BCR: variants seen among roughly 807,000 people sequenced by gnomAD.
BCR encodes BCR activator of RhoGEF and GTPase.
A neutral mutation model predicts 138.6 loss-of-function variants in BCR; 58 were observed. That is an observed-to-expected ratio of 0.42 (90% CI 0.34 to 0.52). BCR has a LOEUF of 0.52. BCR is among the 20% of genes least tolerant of loss of function. BCR has a pLI of 0.06. For synonymous variants in BCR, 786 were observed against 730.1 expected, an observed-to-expected ratio of 1.08 and a Z score of -1.23; for missense variants, 1,599 against 1,727.2, an observed-to-expected ratio of 0.93 and a Z score of 1.32.
At chr22:23,263,670 T>G in intron 4 of BCR, 1 of 1,437,992 alleles carries the variant, frequency 7.0e-7, no homozygotes, top group Non-Finnish European at 9.8e-7. Flanking sequence ...ATGGGAAGAT[T>G]GGCCTTGGTA....
chr22:23,314,721 G>A lies in BCR; in HGVS notation c.3726+7G>A, dbSNP rs1172263694. 6.2e-7 allele frequency: 1 copy of A among 1,611,802 alleles called. No individual in the cohort carries two copies. The highest frequency in any genetic ancestry group is 8.5e-7 in the Non-Finnish European group (1 of 1,179,838). ...CTTGGAGGTCATGTCCCAGGTATGGGAAGACAGGCTCCAGCCCATGCAACC... is the reference window on the plus strand; with the variant it reads ...CTTGGAGGTCATGTCCCAGGTATGGAAAGACAGGCTCCAGCCCATGCAACC... On this transcript the variant is annotated splice_region_variant and intron_variant, in intron 22 of 22. Transcript: ENST00000305877.
rs561982229 is a variant in BCR at position 23,225,262 on chromosome 22, G to C, written c.1280-28537G>C. Among the ~76,000 whole-genome samples, 7 of 151,932 alleles carry C rather than the reference G, an allele frequency of 4.6e-5. No individual in the cohort carries two copies. The South Asian group carries it at 1.5e-3, about 32-fold the overall frequency. On this transcript the variant is annotated intron_variant, in intron 1 of 22. Coordinates refer to ENST00000305877, the MANE Select transcript of BCR (RefSeq NM_004327.4). ...GAGGACACCTGACCCTAAGGCGCAT[G>C]GACCAGAGACATCATCTGAACCCAG... is the stretch of plus-strand genomic sequence containing the variant.
At chr22:23,305,380 T>G (rs1362084811) in intron 16 of BCR, among the ~76,000 whole-genome samples, 1 of 152,216 alleles carries the variant, frequency 6.6e-6, no homozygotes, top group East Asian at 1.9e-4. Flanking sequence ...AACAAGCATT[T>G]CCTCCTTTGG....
rs573764419 is a variant in BCR at position 23,180,517 on chromosome 22, C to G, written c.-444C>G. ...CCTCCCCTTCCTGCGGCGCAGAGTG[C>G]GGGCCGGGCGGGAGTGCGGCGAGAG... is the stretch of plus-strand genomic sequence containing the variant. On this transcript the variant is annotated 5_prime_UTR_variant, in exon 1 of 23. Transcript: ENST00000305877. The G allele has an allele frequency of 8.0e-3, 1,405 of 175,388 alleles. 9 individuals carry two copies. Among genetic ancestry groups the G allele is most frequent in the Non-Finnish European group, 0.012 (985 of 84,774 alleles). 10.9% of individuals were successfully genotyped at this position (175,388 alleles called of 1,614,324 possible).
At chr22:23,251,667 G>T (rs535610178) in intron 1 of BCR, among the ~76,000 whole-genome samples, 1 of 152,378 alleles carries the variant, frequency 6.6e-6, no homozygotes, top group African/African-American at 2.4e-5. Context: ...CAGCCTGGGT[G>T]TGTGTGGTGG....
At chr22:23,201,195 C>G (rs888574930) in intron 1 of BCR, among the ~76,000 whole-genome samples, 2 of 152,246 alleles carry the variant, frequency 1.3e-5, no homozygotes, top group African/African-American at 4.8e-5. Context: ...GTCACAGTTT[C>G]TGGGCACAGC....
rs1029885161 is a variant in BCR at position 23,289,770 on chromosome 22, C to G, written c.2707+149C>G. ...AGCTATGCTTGTTAGGGCCTCTTGT[C>G]TCCTCCCAGGAGTGGACAAGGTGGG... On this transcript the variant is annotated intron_variant, in intron 13 of 22. Coordinates refer to ENST00000305877, the MANE Select transcript of BCR (RefSeq NM_004327.4). The G allele has an allele frequency of 2.2e-5, 16 of 714,606 alleles. No individual in the cohort carries two copies. In the African/African-American group the frequency reaches 2.3e-4, roughly 10 times the overall value. 44.3% of individuals were successfully genotyped at this position (714,606 alleles called of 1,614,324 possible). A position where few individuals can be genotyped will look rare whatever the true frequency, so the allele number is the denominator to read the frequency against.
At position 23,290,149 on chromosome 22, in the gene BCR, GGATCCTGA is replaced by G; in HGVS notation, c.2708-184_2708-177del. 3 of 672,428 alleles carry G rather than the reference GGATCCTGA, an allele frequency of 4.5e-6. No homozygotes were observed. In the South Asian group the frequency reaches 5.0e-5, roughly 11 times the overall value. The allele number at this position is 672,428 out of a possible 1,614,324, so 41.7% of individuals were successfully genotyped here. A position where few individuals can be genotyped will look rare whatever the true frequency, so the allele number is the denominator to read the frequency against. ...GTTTGCCTGTATTGTGAAACCAGCT[GGATCCTGA>G]GATCCCCAAGACAGAAATCATGATG... On this transcript the variant is annotated intron_variant, in intron 13 of 22. Transcript: ENST00000305877.
At chr22:23,287,628 C>T (rs542933521) in intron 11 of BCR, among the ~76,000 whole-genome samples, 1 of 152,314 alleles carries the variant, frequency 6.6e-6, no homozygotes, top group East Asian at 1.9e-4. Context: ...CTCCTGCTGC[C>T]ATCTGTAACC....
intron 1 of BCR, among the ~76,000 whole-genome samples, chr22:23,217,630 G>T (rs140149618): frequency 1.9e-3 from 287 of 152,350 alleles, no homozygotes; most frequent in African/African-American, 6.6e-3. Context: ...AGTTAGGGAA[G>T]TGGGTGGGGA....
At chr22:23,297,214 G>GTTTTTTT (rs200181094) in intron 16 of BCR, among the ~76,000 whole-genome samples, 3 of 85,560 alleles carry the variant, frequency 3.5e-5, no homozygotes, top group South Asian at 3.7e-4. Flanking sequence ...GTTGTTTTTT[G>GTTTTTTT]TTTTTTGTTT....
intron 1 of BCR, among the ~76,000 whole-genome samples, chr22:23,238,470 A>G (rs905564861): frequency 1.3e-5 from 2 of 152,140 alleles, no homozygotes; most frequent in Non-Finnish European, 2.9e-5. Flanking sequence ...GCTCACCCCT[A>G]GTTCAGCCCC....
At chr22:23,299,402 A>G (rs1165216868) in intron 16 of BCR, among the ~76,000 whole-genome samples, 2 of 152,020 alleles carry the variant, frequency 1.3e-5, no homozygotes, top group South Asian at 4.1e-4. Flanking sequence ...TGCACGGGTG[A>G]ATGGCTGTGT....
intron 1 of BCR, among the ~76,000 whole-genome samples, chr22:23,194,728 C>T (rs912734114): frequency 3.3e-5 from 5 of 151,816 alleles, no homozygotes; most frequent in Non-Finnish European, 7.4e-5. Flanking sequence ...ATCTCTTATT[C>T]CCAGGAATTT....
intron 16 of BCR, among the ~76,000 whole-genome samples, chr22:23,303,915 C>G (rs1321289116): frequency 6.8e-6 from 1 of 147,472 alleles, no homozygotes; most frequent in Admixed American, 6.8e-5. Flanking sequence ...TTCTATCACC[C>G]CAATTTCCTT....
intron 19 of BCR, chr22:23,312,384 A>T (rs1314682427): frequency 1.1e-5 from 2 of 180,622 alleles, no homozygotes; most frequent in Admixed American, 1.1e-4. Context: ...CAGGACCCCT[A>T]GAATGCCCAG....
Position 23,313,001 on chromosome 22 carries a change from C to CCAACTTCG in BCR, c.3440_3447dup (p.Glu1150ThrfsTer40), listed in dbSNP as rs2074025296. On this transcript the variant is annotated frameshift_variant, in exon 20 of 23. Coordinates refer to ENST00000305877, the MANE Select transcript of BCR (RefSeq NM_004327.4). LOFTEE classifies it high-confidence loss of function. ...CCCCTCTTCACTGACGAGTTCTACC[C>CCAACTTCG]CAACTTCGCAGAGGGCATCGGTGAG... The CCAACTTCG allele has an allele frequency of 6.3e-7, 1 of 1,582,200 alleles. No homozygotes were observed.
At chr22:23,305,801 C>A (rs2073949290) in intron 16 of BCR, among the ~76,000 whole-genome samples, 1 of 152,212 alleles carries the variant, frequency 6.6e-6, no homozygotes, top group Admixed American at 6.5e-5. Context: ...CCTGCCCAGT[C>A]CCCGGCCAGG....
rs131683 is a variant in BCR, at chr22:23,303,931, CT to C, written c.3013-5472del. Among the ~76,000 whole-genome samples the C allele has an allele frequency of 2.7e-3, 291 of 106,164 alleles. 2 individuals carry two copies. The highest frequency in any genetic ancestry group is 0.014 in the Middle Eastern group (2 of 148). The allele number at this position is 106,164 out of a possible 152,430, so 69.6% of individuals were successfully genotyped here. A position where few individuals can be genotyped will look rare whatever the true frequency, so the allele number is the denominator to read the frequency against. ...TCTATCACCCCAATTTCCTTGTTGC[CT>C]TTTTTTTTTTTTTTTTTTTTAAGAC... On this transcript the variant is annotated intron_variant, in intron 16 of 22. Transcript: ENST00000305877.
Sources: gnomAD v4.1 joint callset for allele counts (sites outside exome capture counted in the v4.1 genomes callset) on GRCh38, gnomAD v4.1.1 for gene constraint, MANE v1.5 for transcripts, NCBI Gene and HGNC (gene_info 2026-07-23, HGNC 2026-07-21) for gene names.